The following ATRX variants were observed in gnomAD, a reference collection of about 807,000 sequenced individuals.
The protein encoded by ATRX is ATRX chromatin remodeler, also known as chromatin remodeler ATRX.
A neutral mutation model predicts 172.6 loss-of-function variants in ATRX; 12 were observed. The ratio of observed to expected loss-of-function variants is 0.07; its 90% CI spans 0.04 to 0.11. The LOEUF (loss-of-function observed/expected upper bound fraction) is 0.11. Among genes scored for constraint, ATRX ranks in the 10% least tolerant of loss-of-function variants. ATRX has a pLI of 1.00. For synonymous variants in ATRX, 674 were observed against 594.7 expected (o/e 1.13, Z -1.94); for missense variants, 1,368 against 1,767.4 (o/e 0.77, Z 4.05).
intron 28 of ATRX, among the ~76,000 whole-genome samples, chrX:77,565,591 C>A (rs940453461): frequency 8.9e-6 from 1 of 112,137 alleles, no homozygotes; most frequent in Non-Finnish European, 1.9e-5. Flanking sequence ...CACAGCAGCT[C>A]AGGCCTGTAA....
rs782128780 is a variant in ATRX at position 77,631,842 on chromosome X, A to G, written c.5134+1365T>C. Among the ~76,000 whole-genome samples, 99 of 112,017 alleles carry G rather than the reference A, an allele frequency of 8.8e-4. 1 individual carries two copies. Among genetic ancestry groups the G allele is most frequent in the South Asian group, 5.5e-3 (15 of 2,706 alleles). On this transcript the variant is annotated intron_variant, in intron 19 of 34. Coordinates refer to ENST00000373344, the MANE Select transcript of ATRX (RefSeq NM_000489.6). ...AATGCAGTTTGAAGTTATTAATAAT[A>G]ATGTGTCAATTTCTTAGTTTTGACA...
intron 10 of ATRX, among the ~76,000 whole-genome samples, chrX:77,665,811 C>G (rs1557125852): frequency 9.0e-6 from 1 of 111,713 alleles, no homozygotes; most frequent in Non-Finnish European, 1.9e-5. Flanking sequence ...TGACAGTCTG[C>G]CATGAGCTAA....
intron 28 of ATRX, among the ~76,000 whole-genome samples, chrX:77,572,311 G>C: frequency 9.0e-6 from 1 of 111,085 alleles, no homozygotes; most frequent in East Asian, 2.8e-4. Flanking sequence ...TTTGGATTTA[G>C]ATTTTCAGAT....
chrX:77,605,545 T>C (rs1193655235), intron 22 of ATRX, among the ~76,000 whole-genome samples: 1 of 110,718 alleles, frequency 9.0e-6, no homozygotes, highest in Non-Finnish European at 1.9e-5. Flanking sequence ...CAAAACTGAA[T>C]TCTACCAAAC....
At chrX:77,670,323 C>T (rs1383482813) in intron 10 of ATRX, among the ~76,000 whole-genome samples, 1 of 111,418 alleles carries the variant, frequency 9.0e-6, no homozygotes, top group South Asian at 3.7e-4. Flanking sequence ...ATATGTAGTA[C>T]TAAAGCATCA....
At chrX:77,619,585 T>C (rs1557098805) in intron 20 of ATRX, among the ~76,000 whole-genome samples, 1 of 111,150 alleles carries the variant, frequency 9.0e-6, no homozygotes, top group Non-Finnish European at 1.9e-5. Flanking sequence ...TCCCATACTA[T>C]ATAGGACCAC....
chrX:77,710,023 G>A (rs913384243), intron 2 of ATRX, among the ~76,000 whole-genome samples: 7 of 111,199 alleles, frequency 6.3e-5, no homozygotes, highest in African/African-American at 2.0e-4. Context: ...TACAGGCCAG[G>A]CGCGGTGGCT....
At chrX:77,661,351 C>T (rs2069884038) in intron 12 of ATRX, among the ~76,000 whole-genome samples, 1 of 108,752 alleles carries the variant, frequency 9.2e-6, no homozygotes, top group Admixed American at 9.9e-5. Context: ...AGCTGTTATA[C>T]AAAAAATTTA....
chrX:77,691,410 T>C (rs1208791607), intron 6 of ATRX: 2 of 111,882 alleles, frequency 1.8e-5, no homozygotes, highest in Non-Finnish European at 3.8e-5. Context: ...AGGGTATAAA[T>C]GGAAAAGAGG....
At chrX:77,724,431 T>TA (rs782020767) in intron 1 of ATRX, among the ~76,000 whole-genome samples, 18 of 108,127 alleles carry the variant, frequency 1.7e-4, no homozygotes, top group Admixed American at 3.0e-4. Flanking sequence ...GGAGTCTCAC[T>TA]ATGTTGACCA....
intron 26 of ATRX, among the ~76,000 whole-genome samples, chrX:77,592,023 GACAACATGA>G (rs2066274926): frequency 8.9e-6 from 1 of 111,768 alleles, no homozygotes; most frequent in African/African-American, 3.3e-5. Context: ...TCCAGTTGCA[GACAACATGA>G]AGAACTCTTT....
intron 34 of ATRX, 27 bp from the exon 35 acceptor site, chrX:77,508,656 C>T: frequency 8.3e-7 from 1 of 1,207,505 alleles, no homozygotes; most frequent in Non-Finnish European, 1.1e-6. Flanking sequence ...GGAGTCATTA[C>T]AAGTGCATGA....
intron 27 of ATRX, among the ~76,000 whole-genome samples, chrX:77,587,275 T>C (rs1034057431): frequency 2.7e-5 from 3 of 110,380 alleles, no homozygotes; most frequent in Non-Finnish European, 5.7e-5. Flanking sequence ...TTATACACCA[T>C]GACAAGTGGG....
chrX:77,711,462 G>C (rs1306200551), intron 2 of ATRX, among the ~76,000 whole-genome samples: 1 of 112,463 alleles, frequency 8.9e-6, no homozygotes, highest in Non-Finnish European at 1.9e-5. Context: ...AAATCCCAAA[G>C]AATCTACAAG....
At chrX:77,714,598 T>C (rs979567910) in intron 2 of ATRX, among the ~76,000 whole-genome samples, 1 of 111,472 alleles carries the variant, frequency 9.0e-6, no homozygotes, top group African/African-American at 3.3e-5. Context: ...GCAAATCACA[T>C]CATGTGCCAT....
chrX:77,744,736 C>G (rs1423433611), intron 1 of ATRX, among the ~76,000 whole-genome samples: 3 of 110,702 alleles, frequency 2.7e-5, no homozygotes, highest in African/African-American at 9.9e-5. Context: ...GCCTGCAATC[C>G]CAGCACTTTG....
intron 27 of ATRX, among the ~76,000 whole-genome samples, chrX:77,583,827 C>T (rs952605931): frequency 1.8e-5 from 2 of 111,031 alleles, no homozygotes; most frequent in African/African-American, 6.5e-5. Context: ...TAAGGGGCAT[C>T]AAAATTGGAA....
intron 2 of ATRX, among the ~76,000 whole-genome samples, chrX:77,710,529 G>A (rs182021907): frequency 5.4e-5 from 6 of 110,169 alleles, no homozygotes; most frequent in East Asian, 2.9e-4. Flanking sequence ...AAAAGTTTCC[G>A]ATCTTGGAAC....
chrX:77,522,013 C>A, intron 32 of ATRX: 1 of 347,682 alleles, frequency 2.9e-6, no homozygotes, highest in South Asian at 4.1e-5. Context: ...GTCAGCAGCC[C>A]TATTGTTTCT....
Sources: gnomAD v4.1 joint callset for allele counts (sites outside exome capture counted in the v4.1 genomes callset) on GRCh38, gnomAD v4.1.1 for gene constraint, MANE v1.5 for transcripts, NCBI Gene and HGNC (gene_info 2026-07-23, HGNC 2026-07-21) for gene names.